The following SORCS2 variants were observed in gnomAD, a reference collection of about 807,000 sequenced individuals.
SORCS2 encodes the protein sortilin related VPS10 domain containing receptor 2.
Under a neutral mutation model 141.6 loss-of-function variants are expected in SORCS2, and 100 were observed. The observed-to-expected ratio is 0.71, with a 90% CI of 0.60 to 0.83. The LOEUF is 0.83. SORCS2 is among the 40% of genes least tolerant of loss of function. SORCS2 has a pLI of 0.00. For synonymous variants in SORCS2, 789 were observed against 676.9 expected (o/e 1.17, Z -2.57); for missense variants, 1,646 against 1,560.2 (o/e 1.05, Z -0.93).
At chr4:7,611,150 G>A (rs527570107) in intron 3 of SORCS2, among the ~76,000 whole-genome samples, 1 of 152,310 alleles carries the variant, frequency 6.6e-6, no homozygotes, top group East Asian at 1.9e-4. Flanking sequence ...AAGCCCACAT[G>A]GAGCCAGTGA....
At chr4:7,253,207 C>T (rs1179296149) in intron 1 of SORCS2, among the ~76,000 whole-genome samples, 1 of 152,244 alleles carries the variant, frequency 6.6e-6, no homozygotes, top group African/African-American at 2.4e-5. Flanking sequence ...CCATCCCTGT[C>T]TCAGACTCCC....
chr4:7,279,512 G>T (rs1207117431), intron 1 of SORCS2, among the ~76,000 whole-genome samples: 1 of 152,162 alleles, frequency 6.6e-6, no homozygotes, highest in Non-Finnish European at 1.5e-5. Context: ...TACTTGTAAC[G>T]GCTCAAAATG....
intron 1 of SORCS2, among the ~76,000 whole-genome samples, chr4:7,268,104 T>G: frequency 6.6e-6 from 1 of 152,198 alleles, no homozygotes; most frequent in East Asian, 1.9e-4. Context: ...CCCGGGCCCC[T>G]GGAGCTCCCT....
chr4:7,697,671 T>A (rs1724797355), intron 12 of SORCS2, among the ~76,000 whole-genome samples: 1 of 152,108 alleles, frequency 6.6e-6, no homozygotes, highest in Admixed American at 6.5e-5. Flanking sequence ...ACTTGGGCTC[T>A]TTTGGGAGCC....
chr4:7,490,998 CCT>C (rs1464005671), intron 2 of SORCS2, among the ~76,000 whole-genome samples: 12 of 152,192 alleles, frequency 7.9e-5, no homozygotes, highest in Non-Finnish European at 1.8e-4. Flanking sequence ...TCTCGCCCCT[CCT>C]CTCTGTCCCT....
intron 3 of SORCS2, among the ~76,000 whole-genome samples, chr4:7,599,162 C>T (rs138659568): frequency 2.7e-5 from 3 of 109,732 alleles, no homozygotes; most frequent in South Asian, 2.9e-4. Context: ...TGCAAGACGG[C>T]GGCCCCAGCT....
intron 1 of SORCS2, among the ~76,000 whole-genome samples, chr4:7,252,930 ATC>A (rs758700465): frequency 2.0e-5 from 3 of 152,224 alleles, no homozygotes; most frequent in Non-Finnish European, 4.4e-5. Flanking sequence ...ACGTGGCGTT[ATC>A]TCTGTTCCCC....
At chr4:7,300,561 C>T (rs1325086874) in intron 1 of SORCS2, among the ~76,000 whole-genome samples, 1 of 152,168 alleles carries the variant, frequency 6.6e-6, no homozygotes, top group Non-Finnish European at 1.5e-5. Context: ...AACGTGCACG[C>T]GTTGACACAG....
At chr4:7,271,498 T>C (rs2108842570) in intron 1 of SORCS2, among the ~76,000 whole-genome samples, 1 of 152,306 alleles carries the variant, frequency 6.6e-6, no homozygotes. Flanking sequence ...TAATCCCACC[T>C]TCACAGGAAG....
intron 21 of SORCS2, among the ~76,000 whole-genome samples, chr4:7,727,493 T>G (rs1317802304): frequency 6.6e-6 from 1 of 151,612 alleles, no homozygotes; most frequent in Admixed American, 6.6e-5. Flanking sequence ...AAACCCTCAT[T>G]TTGCTTTAAG....
intron 2 of SORCS2, among the ~76,000 whole-genome samples, chr4:7,401,296 T>C (rs1248306920): frequency 6.6e-6 from 1 of 152,008 alleles, no homozygotes; most frequent in African/African-American, 2.4e-5. Flanking sequence ...GATGGATTGA[T>C]AAATGGATGG....
chr4:7,519,675 G>A (rs932576428), intron 2 of SORCS2, among the ~76,000 whole-genome samples: 1 of 152,224 alleles, frequency 6.6e-6, no homozygotes, highest in Non-Finnish European at 1.5e-5. Context: ...CTGCTGGCAT[G>A]GAGCAACCTG....
chr4:7,526,592 G>A (rs1733710883), intron 2 of SORCS2, among the ~76,000 whole-genome samples: 1 of 152,158 alleles, frequency 6.6e-6, no homozygotes, highest in Non-Finnish European at 1.5e-5. Flanking sequence ...AGTTGGGGGG[G>A]CCCTGTCATT....
At chr4:7,299,295 T>C (rs1717280440) in intron 1 of SORCS2, among the ~76,000 whole-genome samples, 1 of 152,186 alleles carries the variant, frequency 6.6e-6, no homozygotes, top group African/African-American at 2.4e-5. Flanking sequence ...AATGAGAAAT[T>C]GGTGCTGCCA....
chr4:7,229,046 G>T (rs890869055), intron 1 of SORCS2, among the ~76,000 whole-genome samples: 1 of 152,318 alleles, frequency 6.6e-6, no homozygotes, highest in Admixed American at 6.5e-5. Context: ...GTGTTGAGGG[G>T]TCCCCGTGCA....
intron 9 of SORCS2, among the ~76,000 whole-genome samples, chr4:7,679,891 C>T (rs552372134): frequency 2.6e-5 from 4 of 152,104 alleles, no homozygotes; most frequent in Non-Finnish European, 5.9e-5. Context: ...TATCTGGATC[C>T]GTGTTATTTA....
At chr4:7,328,296 A>G (rs965988058) in intron 1 of SORCS2, among the ~76,000 whole-genome samples, 1 of 151,046 alleles carries the variant, frequency 6.6e-6, no homozygotes, top group Non-Finnish European at 1.5e-5. Context: ...TTGGCCTCCC[A>G]AAGTGCTGGG....
At chr4:7,458,454 A>G (rs1729064425) in intron 2 of SORCS2, among the ~76,000 whole-genome samples, 1 of 152,078 alleles carries the variant, frequency 6.6e-6, no homozygotes, top group African/African-American at 2.4e-5. Context: ...GATGTGGGGA[A>G]ACCGTGGAGA....
At chr4:7,706,679 CTCCTGGGCAGGGATGAGGCTGGGCTCT>C (rs1215762886) in intron 14 of SORCS2, among the ~76,000 whole-genome samples, 25 of 121,068 alleles carry the variant, frequency 2.1e-4, no homozygotes, top group African/African-American at 8.0e-4. Context: ...GGCTGGGCTC[CTCCTGGGCAGGGATGAGGCTGGGCTCT>C]GCCTGGACAG....
Sources: allele counts gnomAD v4.1 joint callset (sites outside exome capture counted in the v4.1 genomes callset), GRCh38; gene constraint gnomAD v4.1.1; transcripts MANE v1.5; gene names NCBI Gene and HGNC (gene_info 2026-07-23, HGNC 2026-07-21).